SHISA9: variants seen among roughly 807,000 people sequenced by gnomAD.
SHISA9 encodes shisa family member 9.
SHISA9 carries 13 observed loss-of-function variants against 38.0 expected under a neutral mutation model. The ratio of observed to expected loss-of-function variants is 0.34; its 90% CI spans 0.22 to 0.54. SHISA9 has a LOEUF of 0.54. SHISA9 is among the 20% of genes least tolerant of loss of function. The pLI, the probability that SHISA9 is intolerant of heterozygous loss-of-function variation, is 0.91. For missense variants in SHISA9, 538 were observed against 575.8 expected, an observed-to-expected ratio of 0.93 and a Z score of 0.67; for synonymous variants, 275 against 242.0, an observed-to-expected ratio of 1.14 and a Z score of -1.27.
chr16:13,124,052 G>A lies in SHISA9; in HGVS notation c.692-79342G>A, dbSNP rs377395332. Among the ~76,000 whole-genome samples, 37 of 152,134 alleles carry A rather than the reference G, an allele frequency of 2.4e-4. 1 individual carries two copies. The East Asian group carries it at 2.5e-3, about 10-fold the overall frequency. On this transcript the variant is annotated intron_variant, in intron 2 of 4. Transcript: ENST00000558583. ...TCCCCCTGTGAGGAAAGTCCTAACC[G>A]GAAGACACTTAGCCTAGCCCTTGGT...
the SHISA9 span, among the ~76,000 whole-genome samples, chr16:13,300,810 C>T: frequency 6.6e-6 from 1 of 151,548 alleles, no homozygotes; most frequent in Non-Finnish European, 1.5e-5. Flanking sequence ...CACTTATTGG[C>T]TCTGTGATAA....
the SHISA9 span, among the ~76,000 whole-genome samples, chr16:13,445,694 C>T: frequency 6.6e-6 from 1 of 152,162 alleles, no homozygotes; most frequent in Non-Finnish European, 1.5e-5. Flanking sequence ...ATTCACAGTG[C>T]TATGAGATTA....
chr16:13,520,603 CAAAAAAA>C, the SHISA9 span, among the ~76,000 whole-genome samples: 1 of 56,230 alleles, frequency 1.8e-5, no homozygotes, highest in Admixed American at 2.5e-4. Context: ...AACTCTGTCT[CAAAAAAA>C]AAAAAAAAAA....
At chr16:12,944,108 G>A (rs527997162) in intron 2 of SHISA9, among the ~76,000 whole-genome samples, 1 of 152,148 alleles carries the variant, frequency 6.6e-6, no homozygotes, top group South Asian at 2.1e-4. Flanking sequence ...TATGTCTCTA[G>A]TCATTGTTGA....
chr16:12,950,339 A>G (rs979430166), intron 2 of SHISA9, among the ~76,000 whole-genome samples: 3 of 152,204 alleles, frequency 2.0e-5, no homozygotes, highest in African/African-American at 7.2e-5. Context: ...GAGTGCATAT[A>G]TCTCTTTGAT....
chr16:13,511,931 A>G, the SHISA9 span, among the ~76,000 whole-genome samples: 1 of 152,142 alleles, frequency 6.6e-6, no homozygotes, highest in Non-Finnish European at 1.5e-5. Flanking sequence ...AACAATCCTA[A>G]GAGTTCAAAA....
intron 2 of SHISA9, among the ~76,000 whole-genome samples, chr16:13,015,445 G>A (rs2072729454): frequency 6.6e-6 from 1 of 152,242 alleles, no homozygotes; most frequent in Non-Finnish European, 1.5e-5. Flanking sequence ...TTGCCCAACT[G>A]ATGAGTGGGA....
intron 2 of SHISA9, among the ~76,000 whole-genome samples, chr16:13,200,868 C>G (rs1275548411): frequency 7.4e-6 from 1 of 135,600 alleles, no homozygotes. Flanking sequence ...CATGCCTCAG[C>G]TAGGGTATCT....
intron 2 of SHISA9, among the ~76,000 whole-genome samples, chr16:13,166,382 A>G (rs1567232932): frequency 1.3e-5 from 2 of 152,064 alleles, no homozygotes; most frequent in Non-Finnish European, 2.9e-5. Flanking sequence ...GTTACTCACC[A>G]CTTAACTGTC....
At chr16:13,105,079 T>C (rs561016707) in intron 2 of SHISA9, among the ~76,000 whole-genome samples, 1 of 152,140 alleles carries the variant, frequency 6.6e-6, no homozygotes, top group South Asian at 2.1e-4. Flanking sequence ...CAAGGAAATA[T>C]AATAATAAAC....
the SHISA9 span, among the ~76,000 whole-genome samples, chr16:13,295,938 G>C: frequency 6.6e-6 from 1 of 152,250 alleles, no homozygotes; most frequent in East Asian, 1.9e-4. Flanking sequence ...GCAAGTCCTC[G>C]TGGGACAAAT....
At chr16:13,086,907 G>A (rs993719261) in intron 2 of SHISA9, among the ~76,000 whole-genome samples, 4 of 151,408 alleles carry the variant, frequency 2.6e-5, no homozygotes, top group African/African-American at 9.7e-5. Context: ...TTGGTTTGCC[G>A]CACCCATCAA....
the SHISA9 span, among the ~76,000 whole-genome samples, chr16:13,517,770 T>A: frequency 6.6e-6 from 1 of 152,108 alleles, no homozygotes; most frequent in Non-Finnish European, 1.5e-5. Context: ...CTCTCAAAGT[T>A]CTTCATGGAG....
Position 13,237,572 on chromosome 16 carries a change from A to C in SHISA9, c.*2163A>C, listed in dbSNP as rs1596760285. 1 of 150,526 alleles carries C rather than the reference A, an allele frequency of 6.6e-6. No individual in the cohort carries two copies. Among genetic ancestry groups the C allele is most frequent in the African/African-American group, 2.4e-5 (1 of 40,926 alleles). The allele number at this position is 150,526 out of a possible 1,614,324, so 9.3% of individuals were successfully genotyped here. ...CAACTACTCGAGAGGCTGAGGCAGG[A>C]GAATCGCTTAAACTTGGGAGGTTGC... On this transcript the variant is annotated 3_prime_UTR_variant, in exon 5 of 5. Transcript: ENST00000558583.
At chr16:13,357,491 G>A in the SHISA9 span, among the ~76,000 whole-genome samples, 2 of 152,154 alleles carry the variant, frequency 1.3e-5, no homozygotes, top group Non-Finnish European at 2.9e-5. Context: ...GTCGTAGGTG[G>A]ATCTTTGTCA....
At chr16:12,951,482 G>A (rs773840916) in intron 2 of SHISA9, among the ~76,000 whole-genome samples, 3 of 152,106 alleles carry the variant, frequency 2.0e-5, no homozygotes, top group Non-Finnish European at 4.4e-5. Flanking sequence ...TATACAAATA[G>A]GCATGGCTGT....
intron 2 of SHISA9, among the ~76,000 whole-genome samples, chr16:13,197,972 G>C (rs1481163879): frequency 6.6e-6 from 1 of 152,124 alleles, no homozygotes; most frequent in Admixed American, 6.5e-5. Flanking sequence ...ATCACCTGAG[G>C]TCAGGAGTTC....
At chr16:13,073,086 C>T (rs183639416) in intron 2 of SHISA9, among the ~76,000 whole-genome samples, 2 of 152,280 alleles carry the variant, frequency 1.3e-5, no homozygotes, top group Non-Finnish European at 2.9e-5. Flanking sequence ...CTACAATGCT[C>T]GTCCCTTATT....
chr16:13,027,633 A>G (rs2141873486), intron 2 of SHISA9, among the ~76,000 whole-genome samples: 1 of 152,336 alleles, frequency 6.6e-6, no homozygotes, highest in African/African-American at 2.4e-5. Context: ...ATATTGATTC[A>G]CACAAAACAT....
Sources: allele counts gnomAD v4.1 joint callset (sites outside exome capture counted in the v4.1 genomes callset), GRCh38; gene constraint gnomAD v4.1.1; transcripts MANE v1.5; gene names NCBI Gene and HGNC (gene_info 2026-07-23, HGNC 2026-07-21).